The following SMYD2 variants were observed in gnomAD, a reference collection of about 807,000 sequenced individuals.
SMYD2 encodes the protein SET and MYND domain containing 2.
A neutral mutation model predicts 59.1 loss-of-function variants in SMYD2; 53 were observed. The ratio of observed to expected loss-of-function variants is 0.90; its 90% CI spans 0.72 to 1.13. The LOEUF (loss-of-function observed/expected upper bound fraction) is 1.13, where lower values mean the gene tolerates loss of function less well. Ranked by LOEUF, SMYD2 falls within the 50% of genes most tolerant of loss-of-function variation. The pLI is 0.00. For synonymous variants in SMYD2, 208 were observed against 198.8 expected (o/e 1.05, Z -0.39); for missense variants, 494 against 544.7 (o/e 0.91, Z 0.93).
At chr1:214,320,206 T>C (rs4655333) in intron 5 of SMYD2, among the ~76,000 whole-genome samples, 42,817 of 152,114 alleles carry the variant, frequency 0.28, 6,473 homozygotes, top group Non-Finnish European at 0.34. Context: ...GTTTCACGAC[T>C]GTCTAAACTT....
chr1:214,332,080 G>T lies in SMYD2; in HGVS notation c.1000G>T (p.Asp334Tyr). The T allele has an allele frequency of 1.2e-6, 2 of 1,614,118 alleles. No homozygotes were observed. The highest frequency in any genetic ancestry group is 1.7e-6 in the Non-Finnish European group (2 of 1,180,040). ...GGAGAAGATGAGCTCTGTGTTTGAG[G>T]ACAGTAACGTGTACATGTTGCACAT... is the stretch of plus-strand genomic sequence containing the variant. ...SQEKMSSVFE[D>Y]SNVYMLHMMY... Residue 334 changes from aspartate (D) to tyrosine (Y), a missense_variant, in exon 10 of 12, where the codon GAC becomes TAC. Physicochemically the swap from Asp to Tyr is radical, Grantham distance 160. Transcript: ENST00000366957.
intron 5 of SMYD2, among the ~76,000 whole-genome samples, chr1:214,323,831 C>G (rs778275847): frequency 6.6e-6 from 1 of 152,230 alleles, no homozygotes; most frequent in South Asian, 2.1e-4. Flanking sequence ...TTTAAGCCCT[C>G]AATCCCTCTG....
rs369082796 is a variant in SMYD2 at position 214,318,942 on chromosome 1, G to A, written c.493G>A (p.Gly165Arg). 2.2e-5 allele frequency: 36 copies of A among 1,613,860 alleles called. No homozygotes were observed. The highest frequency in any genetic ancestry group is 3.3e-4 in the Middle Eastern group (2 of 6,084). Residue 165 changes from glycine (G) to arginine (R), a missense_variant, in exon 5 of 12, where the codon GGA becomes AGA. Gly to Arg is a moderately radical substitution (Grantham distance 125). Coordinates refer to ENST00000366957, the MANE Select transcript of SMYD2 (RefSeq NM_020197.3). The surrounding 1 kb of genome is among the most constrained non-coding windows in gnomAD (Gnocchi z 5.4). ...ALHHFYSKHLGFPDNDSLVVL... is the reference protein window; with the variant it reads ...ALHHFYSKHLRFPDNDSLVVL... ...CCATCACTTTTACTCCAAGCATCTC[G>A]GATTCCCTGACAATGATAGCCTCGT... is the stretch of plus-strand genomic sequence containing the variant.
intron 1 of SMYD2, among the ~76,000 whole-genome samples, chr1:214,297,751 A>C (rs1656757603): frequency 6.6e-6 from 1 of 152,222 alleles, no homozygotes; most frequent in Non-Finnish European, 1.5e-5. Context: ...AGAATTGCTT[A>C]AACCAAAATA....
chr1:214,314,881 A>G lies in SMYD2; in HGVS notation c.348+9A>G. The G allele has an allele frequency of 6.3e-7, 1 of 1,592,738 alleles. No individual in the cohort carries two copies. The highest frequency in any genetic ancestry group is 8.6e-7 in the Non-Finnish European group (1 of 1,160,996). On this transcript the variant is annotated intron_variant, in intron 3 of 11. Coordinates refer to ENST00000366957, the MANE Select transcript of SMYD2 (RefSeq NM_020197.3). ...GGATTCTGGCCAAACAGGTGAGGAA[A>G]TGGGACAATGTTCAAGTGCATTTTA... is the stretch of plus-strand genomic sequence containing the variant.
chr1:214,286,036 C>T (rs1005920266), intron 1 of SMYD2, among the ~76,000 whole-genome samples: 6 of 152,214 alleles, frequency 3.9e-5, no homozygotes, highest in African/African-American at 1.4e-4. Flanking sequence ...GTTGTTAGTG[C>T]ATGACCTTAT....
chr1:214,305,157 C>T (rs776945578), intron 1 of SMYD2, 30 bp from the exon 2 acceptor site: 2 of 1,605,588 alleles, frequency 1.2e-6, no homozygotes, highest in Admixed American at 1.7e-5. Flanking sequence ...CTGTGTCTGT[C>T]ACCACTACAG....
chr1:214,295,411 C>G (rs1413616647), intron 1 of SMYD2, among the ~76,000 whole-genome samples: 2 of 151,368 alleles, frequency 1.3e-5, no homozygotes, highest in Non-Finnish European at 2.9e-5. Flanking sequence ...TTTTTGCTTT[C>G]TAAGGCAAAG....
rs1259451106 is a variant in SMYD2, at chr1:214,284,253, G to GTTTTT, written c.173+2826_173+2827insTTTTT. ...GCCATTTATCACCATTTTTTGGTGT[G>GTTTTT]GTTTTTTTTTTTTTTTTTTTTTTTG... On this transcript the variant is annotated intron_variant, in intron 1 of 11. Transcript: ENST00000366957. Among the ~76,000 whole-genome samples, 510 of 76,586 alleles carry GTTTTT rather than the reference G, an allele frequency of 6.7e-3. 10 individuals are homozygous for GTTTTT. Among genetic ancestry groups the GTTTTT allele is most frequent in the South Asian group, 0.017 (44 of 2,516 alleles). 50.2% of individuals were successfully genotyped at this position (76,586 alleles called of 152,430 possible).
chr1:214,331,864 A>T, intron 9 of SMYD2, 154 bp from the exon 10 acceptor site: 1 of 678,576 alleles, frequency 1.5e-6, no homozygotes. Context: ...TTCTGGAGAA[A>T]TGTAATTCCT....
chr1:214,281,344 G>C lies in SMYD2; in HGVS notation c.90G>C (p.Gly30=), dbSNP rs772908065. 1 of 1,449,430 alleles carries C rather than the reference G, an allele frequency of 6.9e-7. No individual in the cohort carries two copies. The highest frequency in any genetic ancestry group is 2.8e-5 in the East Asian group (1 of 36,184). 89.8% of individuals were successfully genotyped at this position (1,449,430 alleles called of 1,614,324 possible). A position where few individuals can be genotyped will look rare whatever the true frequency, so the allele number is the denominator to read the frequency against. ...GLRALQPFQV[G]DLLFSCPAYA... is the part of the protein sequence containing the mutation. ...GGGCTCTGCAGCCCTTCCAGGTGGG[G>C]GACTTGCTGTTCTCCTGCCCGGCCT... The change falls in exon 1 of 12, where the codon GGG becomes GGC. Residue 30 remains glycine (G), a synonymous_variant. Transcript: ENST00000366957.
intron 1 of SMYD2, among the ~76,000 whole-genome samples, chr1:214,293,745 C>T (rs1047490577): frequency 5.3e-5 from 8 of 152,250 alleles, no homozygotes; most frequent in East Asian, 1.9e-4. Context: ...GGCGCGATCT[C>T]GGCTCACTGC....
At chr1:214,305,457 G>A (rs903617486) in intron 2 of SMYD2, among the ~76,000 whole-genome samples, 6 of 152,214 alleles carry the variant, frequency 3.9e-5, no homozygotes, top group Non-Finnish European at 8.8e-5. Flanking sequence ...GACCAACATC[G>A]AGGTGCAGGA....
chr1:214,321,151 C>T (rs1403793810), intron 5 of SMYD2, among the ~76,000 whole-genome samples: 1 of 152,130 alleles, frequency 6.6e-6, no homozygotes, highest in Non-Finnish European at 1.5e-5. Context: ...GTGACTCCAT[C>T]TCACAAGTAG....
At chr1:214,289,399 T>G (rs979770014) in intron 1 of SMYD2, among the ~76,000 whole-genome samples, 1 of 152,192 alleles carries the variant, frequency 6.6e-6, no homozygotes, top group African/African-American at 2.4e-5. Flanking sequence ...AAGGAAGCAA[T>G]CAATAATTAA....
chr1:214,327,582 A>G (rs773264753), intron 6 of SMYD2, 40 bp from the exon 7 acceptor site: 23 of 1,502,762 alleles, frequency 1.5e-5, no homozygotes, highest in Non-Finnish European at 2.1e-5. Flanking sequence ...CAGTCTGCCT[A>G]TCTCATTTTA....
chr1:214,311,018 T>G (rs537229258), intron 2 of SMYD2, among the ~76,000 whole-genome samples: 55 of 152,304 alleles, frequency 3.6e-4, no homozygotes, highest in African/African-American at 1.3e-3. Context: ...TGTGGTAAAT[T>G]TCCTTTGATG....
chr1:214,324,787 C>A, intron 6 of SMYD2, 79 bp downstream of exon 6: 1 of 1,279,538 alleles, frequency 7.8e-7, no homozygotes, highest in Non-Finnish European at 1.1e-6. Context: ...TTTAAATAAC[C>A]CACCTAACTG....
At chr1:214,300,648 C>T (rs73090389) in intron 1 of SMYD2, among the ~76,000 whole-genome samples, 4,670 of 152,232 alleles carry the variant, frequency 0.031, 255 homozygotes, top group African/African-American at 0.11. Context: ...ATTTTTGCTG[C>T]GTGGAGTCTA....
Sources: allele counts gnomAD v4.1 joint callset (sites outside exome capture counted in the v4.1 genomes callset), GRCh38; gene constraint gnomAD v4.1.1; non-coding constraint Gnocchi (gnomAD v3.1); transcripts MANE v1.5; gene names NCBI Gene and HGNC (gene_info 2026-07-23, HGNC 2026-07-21).